Variants in ZNF695 observed in about 807,000 individuals in gnomAD.
ZNF695 encodes zinc finger protein 695.
In ZNF695, 11 loss-of-function variants were observed where a neutral mutation model predicts 11.2. That is an observed-to-expected ratio of 0.98 (90% CI 0.62 to 1.62). ZNF695 has a LOEUF of 1.62. Ranked by LOEUF, ZNF695 falls within the 40% of genes most tolerant of loss-of-function variation. The pLI is 0.00. For synonymous variants in ZNF695, 190 were observed against 201.4 expected, an observed-to-expected ratio of 0.94 and a Z score of 0.48; for missense variants, 559 against 590.5, an observed-to-expected ratio of 0.95 and a Z score of 0.55.
chr1:246,965,029 C>T (rs56053817), intron 5 of ZNF695, among the ~76,000 whole-genome samples: 20,067 of 152,106 alleles, frequency 0.13, 1,449 homozygotes, highest in Middle Eastern at 0.17. Context: ...CATGGGTTAA[C>T]AGATTAATGG....
At position 246,970,756 on chromosome 1, in the gene ZNF695, TTTTG is replaced by T. The variant is rs577895190; in HGVS notation, c.391-2968_391-2965del. 4.5e-4 allele frequency among the ~76,000 whole-genome samples: 69 copies of T among 152,188 alleles called. No homozygotes were observed. In the South Asian group the frequency reaches 0.014, roughly 31 times the overall value. ...TAGTAGAACGGCTAAAAACAAAGTG[TTTTG>T]TTTGTTTGTTTGTTTTTGTGTTTTG... On this transcript the variant is annotated intron_variant, in intron 4 of 5. Coordinates refer to the ZNF695 transcript ENST00000487338.
intron 5 of ZNF695, among the ~76,000 whole-genome samples, chr1:246,954,294 A>T (rs1383578886): frequency 6.6e-6 from 1 of 152,178 alleles, no homozygotes; most frequent in Non-Finnish European, 1.5e-5. Context: ...ACACTCCCCA[A>T]ACATGTTGTC....
chr1:246,965,854 G>A (rs922361999), intron 5 of ZNF695, among the ~76,000 whole-genome samples: 4 of 151,884 alleles, frequency 2.6e-5, no homozygotes, highest in Non-Finnish European at 5.9e-5. Context: ...CTCCATAACT[G>A]TAAAAAATAA....
chr1:246,984,268 T>C (rs1187046034), downstream of ZNF695, among the ~76,000 whole-genome samples: 3 of 85,030 alleles, frequency 3.5e-5, no homozygotes, highest in Admixed American at 1.6e-4. Context: ...AGTGTAGCCA[T>C]AACACAGGTT....
At chr1:246,950,781 A>C (rs1468890253) in intron 5 of ZNF695, among the ~76,000 whole-genome samples, 7 of 152,048 alleles carry the variant, frequency 4.6e-5, no homozygotes, top group Non-Finnish European at 8.8e-5. Flanking sequence ...AGCTTTGGAC[A>C]AGGTACTTGA....
chr1:246,970,132 A>T (rs979184048), intron 4 of ZNF695, among the ~76,000 whole-genome samples: 25 of 152,198 alleles, frequency 1.6e-4, no homozygotes, highest in Admixed American at 2.0e-4. Context: ...TTGAGTTTTA[A>T]ATTACGCATT....
chr1:246,983,468 C>T (rs1008628807), downstream of ZNF695, among the ~76,000 whole-genome samples: 1 of 152,046 alleles, frequency 6.6e-6, no homozygotes, highest in African/African-American at 2.4e-5. Context: ...CTGCAGTAAG[C>T]TATGATCACA....
At chr1:247,005,734 C>A (rs745969468) in intron 1 of ZNF695, among the ~76,000 whole-genome samples, 4 of 151,906 alleles carry the variant, frequency 2.6e-5, no homozygotes, top group Non-Finnish European at 5.9e-5. Context: ...ACTTGGCCCC[C>A]GTCTCTAGGC....
In ZNF695 at chr1:246,979,811, G is replaced by A. The variant is rs550970214; in HGVS notation, c.390+8314C>T. On this transcript the variant is annotated intron_variant, in intron 4 of 5. Coordinates refer to the ZNF695 transcript ENST00000487338. ...AATCTTTCTAAAAAAATTAAAATAC[G>A]TCATTCTAAATAACTCGTTAAGTTT... 69 of 152,560 alleles carry A rather than the reference G, an allele frequency of 4.5e-4. 1 individual carries two copies. The highest frequency in any genetic ancestry group is 5.8e-4 in the East Asian group (3 of 5,168). The allele number at this position is 152,560 out of a possible 1,614,324, so 9.5% of individuals were successfully genotyped here.
intron 5 of ZNF695, among the ~76,000 whole-genome samples, chr1:246,965,573 C>T (rs1462603649): frequency 6.6e-6 from 1 of 151,720 alleles, no homozygotes; most frequent in African/African-American, 2.4e-5. Flanking sequence ...CCTGTCTCTA[C>T]TAAAAATACA....
intron 4 of ZNF695, chr1:246,968,412 C>T (rs1454122346): frequency 6.6e-6 from 1 of 152,342 alleles, no homozygotes. Flanking sequence ...TCTGGCGGCT[C>T]TGCAGGGCTT....
chr1:246,971,852 C>T (rs949818059), intron 4 of ZNF695, among the ~76,000 whole-genome samples: 13 of 152,118 alleles, frequency 8.5e-5, no homozygotes, highest in African/African-American at 2.7e-4. Flanking sequence ...GGTGGCTTCC[C>T]GCCCACAGTG....
At chr1:247,005,324 A>T (rs1309740963) in intron 1 of ZNF695, among the ~76,000 whole-genome samples, 1 of 152,228 alleles carries the variant, frequency 6.6e-6, no homozygotes, top group East Asian at 1.9e-4. Context: ...CACCAAGAAC[A>T]TACTTTGGGG....
chr1:246,945,600 G>T, downstream of ZNF695: 2 of 573,200 alleles, frequency 3.5e-6, no homozygotes, highest in Non-Finnish European at 3.1e-6. Flanking sequence ...AAATGAAAAG[G>T]GAAAAAAAGA....
downstream of ZNF695, among the ~76,000 whole-genome samples, chr1:246,980,891 A>C (rs1383959329): frequency 6.6e-6 from 1 of 152,208 alleles, no homozygotes; most frequent in Non-Finnish European, 1.5e-5. Context: ...ATCCCAGGCA[A>C]CACAAGCAAA....
chr1:246,968,952 C>T (rs1668355521), intron 4 of ZNF695: 1 of 152,282 alleles, frequency 6.6e-6, no homozygotes, highest in African/African-American at 2.4e-5. Flanking sequence ...GGCCTCCAGG[C>T]CTGTGATGAG....
Position 246,986,925 on chromosome 1 carries a change from A to C in ZNF695, c.*42T>G. 3 of 1,527,724 alleles carry C rather than the reference A, an allele frequency of 2.0e-6. No individual in the cohort carries two copies. The highest frequency in any genetic ancestry group is 2.6e-6 in the Non-Finnish European group (3 of 1,142,914). 94.6% of individuals were successfully genotyped at this position (1,527,724 alleles called of 1,614,324 possible). On this transcript the variant is annotated 3_prime_UTR_variant, in exon 4 of 4. Transcript: ENST00000339986. ...TTCTGCTGTGAAGTTGTGAATAGGT[A>C]TTAAAGACTATGCCATATTGTTTAG...
At chr1:247,001,712 CAAAAA>C (rs56131097) in intron 1 of ZNF695, among the ~76,000 whole-genome samples, 1 of 79,246 alleles carries the variant, frequency 1.3e-5, no homozygotes, top group African/African-American at 4.9e-5. Flanking sequence ...GACTTCGTCT[CAAAAA>C]AAAAAAAAAA....
downstream of ZNF695, among the ~76,000 whole-genome samples, chr1:246,984,280 TA>T (rs1278200712): frequency 0.018 from 2,331 of 130,930 alleles, 58 homozygotes; most frequent in African/African-American, 0.06. Context: ...ACACAGGTTT[TA>T]AAAAAAAAAA....
Sources: allele counts gnomAD v4.1 joint callset (sites outside exome capture counted in the v4.1 genomes callset), GRCh38; gene constraint gnomAD v4.1.1; transcripts MANE v1.5; gene names NCBI Gene and HGNC (gene_info 2026-07-23, HGNC 2026-07-21).